Variants in BMS1 observed in about 807,000 individuals in gnomAD.
BMS1 encodes ribosome biogenesis protein BMS1 homolog.
Under a neutral mutation model 138.7 loss-of-function variants are expected in BMS1, and 53 were observed. That is an observed-to-expected ratio of 0.38 (90% confidence interval 0.31 to 0.48). BMS1 has a LOEUF of 0.48. Among genes scored for constraint, BMS1 ranks in the 20% least tolerant of loss-of-function variants. The pLI is 0.97. For synonymous variants in BMS1, 504 were observed against 539.9 expected, an observed-to-expected ratio of 0.93 and a Z score of 0.92; for missense variants, 1,360 against 1,565.5, an observed-to-expected ratio of 0.87 and a Z score of 2.22.
intron 13 of BMS1, among the ~76,000 whole-genome samples, chr10:42,806,859 C>T (rs535027684): frequency 3.5e-5 from 5 of 144,834 alleles, no homozygotes; most frequent in Non-Finnish European, 7.5e-5. Context: ...CGTGTAAGAA[C>T]AAATACAGAG....
rs575558237 is a variant in BMS1, at chr10:42,820,698, G to T, written c.2950+10G>T. On this transcript the variant is annotated intron_variant, in intron 17 of 22. Transcript: ENST00000374518. The stretch of plus-strand genomic sequence containing the variant: ...GGAGCAGCCTTTTGGGGTAAAATAT[G>T]ATTACAATAACTTGCCTGTTGCCAA... The T allele has an allele frequency of 1.7e-5, 28 of 1,609,842 alleles. No homozygotes were observed. The East Asian group carries it at 5.6e-4, about 32-fold the overall frequency.
In BMS1 at chr10:42,790,405, C is replaced by T. The variant is rs1444507941; in HGVS notation, c.530C>T (p.Pro177Leu). ...FLNICQVHGF[P>L]KIMGVLTHLD... ...AACATCTGTCAAGTACATGGCTTTC[C>T]TAAAATTATGGGAGTTCTCACCCAC... The change falls in exon 5 of 23, where the codon CCT becomes CTT. Residue 177 changes from proline to leucine, a missense_variant. By Grantham distance (98) the Pro-to-Leu change is moderately conservative. Around this residue, in one of 3 missense-constraint regions of BMS1, gnomAD observed 238 missense variants for 311.1 expected, o/e 0.77. Transcript: ENST00000374518. 4 of 1,613,820 alleles carry T rather than the reference C, an allele frequency of 2.5e-6. No individual in the cohort carries two copies. The highest frequency in any genetic ancestry group is 3.3e-5 in the Admixed American group (2 of 60,002).
intron 14 of BMS1, among the ~76,000 whole-genome samples, chr10:42,817,091 C>T (rs928235804): frequency 6.6e-6 from 1 of 152,156 alleles, no homozygotes; most frequent in Non-Finnish European, 1.5e-5. Flanking sequence ...TTTGTGTTCC[C>T]AGCCAGCTTA....
chr10:42,790,622 G>A (rs1841474400), intron 5 of BMS1, 111 bp downstream of exon 5: 1 of 1,184,826 alleles, frequency 8.4e-7, no homozygotes, highest in South Asian at 1.5e-5. Context: ...GCAAGGCAGA[G>A]GCGGTCGGAT....
In BMS1 at chr10:42,816,685, C is replaced by T. The variant is rs1260878847; in HGVS notation, c.2403+13C>T. 4.4e-6 allele frequency: 7 copies of T among 1,604,024 alleles called. No individual in the cohort carries two copies. The highest frequency in any genetic ancestry group is 2.3e-4 in the Middle Eastern group (1 of 4,374). On this transcript the variant is annotated intron_variant, in intron 14 of 22. Coordinates refer to ENST00000374518, the MANE Select transcript of BMS1 (RefSeq NM_014753.4). Reference sequence around the variant, plus strand: ...CCCCAATACTCAGGTATGACTTTGTCGTAGCTGGCTGTTCTTGGTCATTGT... The same window carrying T: ...CCCCAATACTCAGGTATGACTTTGTTGTAGCTGGCTGTTCTTGGTCATTGT...
At chr10:42,807,094 CA>C (rs1842034847) in intron 13 of BMS1, among the ~76,000 whole-genome samples, 1 of 152,028 alleles carries the variant, frequency 6.6e-6, no homozygotes, top group Non-Finnish European at 1.5e-5. Flanking sequence ...TCTTTTATCA[CA>C]TGTGTAGGTT....
intron 13 of BMS1, among the ~76,000 whole-genome samples, chr10:42,813,051 C>T (rs1179989450): frequency 2.0e-5 from 3 of 152,160 alleles, no homozygotes; most frequent in Admixed American, 6.6e-5. Flanking sequence ...CCCTCTCCAG[C>T]TCTGGTAAAT....
intron 19 of BMS1, 132 bp from the exon 20 acceptor site, chr10:42,822,986 C>G (rs1588756000): frequency 1.1e-6 from 1 of 933,900 alleles, no homozygotes; most frequent in Non-Finnish European, 1.5e-6. Flanking sequence ...GGGGCGAATA[C>G]ATTTTGTTTA....
intron 13 of BMS1, 132 bp from the exon 14 acceptor site, chr10:42,816,467 C>A: frequency 3.3e-6 from 2 of 613,216 alleles, no homozygotes; most frequent in Non-Finnish European, 5.5e-6. Context: ...AAAGTTTTGC[C>A]TGTGTGTGTA....
At chr10:42,810,331 C>A (rs1180352271) in intron 13 of BMS1, among the ~76,000 whole-genome samples, 1 of 152,162 alleles carries the variant, frequency 6.6e-6, no homozygotes, top group Non-Finnish European at 1.5e-5. Context: ...ACGAAAAGAT[C>A]ACCATGTGAA....
intron 2 of BMS1, 104 bp downstream of exon 2, chr10:42,784,674 A>C: frequency 2.3e-6 from 3 of 1,315,976 alleles, no homozygotes; most frequent in Non-Finnish European, 3.1e-6. Context: ...TCCAGCTCCA[A>C]AGGACATGGA....
chr10:42,804,915 G>A (rs192459073), intron 13 of BMS1, among the ~76,000 whole-genome samples: 301 of 151,902 alleles, frequency 2.0e-3, no homozygotes, highest in Admixed American at 5.7e-3. Context: ...ATGGGGTTTC[G>A]CCATGTTGGT....
intron 13 of BMS1, among the ~76,000 whole-genome samples, chr10:42,805,920 C>G (rs1436182735): frequency 6.6e-6 from 1 of 152,240 alleles, no homozygotes; most frequent in Admixed American, 6.5e-5. Context: ...ATGCCCCAGC[C>G]TCGTGAGTAG....
intron 13 of BMS1, among the ~76,000 whole-genome samples, chr10:42,813,573 A>G (rs1179355538): frequency 6.6e-6 from 1 of 152,076 alleles, no homozygotes; most frequent in East Asian, 1.9e-4. Flanking sequence ...AGGTGGTGGT[A>G]TAGTTTTTGT....
intron 21 of BMS1, among the ~76,000 whole-genome samples, chr10:42,828,779 G>A (rs561078639): frequency 1.3e-5 from 2 of 152,246 alleles, no homozygotes; most frequent in East Asian, 1.9e-4. Flanking sequence ...GGTTGTTCAA[G>A]GCATCAGTCT....
chr10:42,826,035 T>A (rs1311793351), intron 21 of BMS1, among the ~76,000 whole-genome samples: 1 of 152,260 alleles, frequency 6.6e-6, no homozygotes, highest in Non-Finnish European at 1.5e-5. Flanking sequence ...CATGTCGTTT[T>A]ATCTTTCATT....
At position 42,832,838 on chromosome 10, in the gene BMS1, G is replaced by A. The variant is rs1385156716; in HGVS notation, c.*1742G>A. 1 of 152,102 alleles carries A rather than the reference G, an allele frequency of 6.6e-6. No homozygotes were observed. The highest frequency in any genetic ancestry group is 1.5e-5 in the Non-Finnish European group (1 of 68,022). The allele number at this position is 152,102 out of a possible 1,614,324, so 9.4% of individuals were successfully genotyped here. A position where few individuals can be genotyped will look rare whatever the true frequency, so the allele number is the denominator to read the frequency against. The stretch of plus-strand genomic sequence containing the variant: ...CATCCATTATGCTGATAGGCCTGGG[G>A]ACTGACACATAGTAAGCCCATAACA... On this transcript the variant is annotated 3_prime_UTR_variant, in exon 23 of 23. Coordinates refer to ENST00000374518, the MANE Select transcript of BMS1 (RefSeq NM_014753.4).
intron 21 of BMS1, among the ~76,000 whole-genome samples, chr10:42,826,967 T>C (rs1262190296): frequency 2.6e-5 from 4 of 152,088 alleles, no homozygotes; most frequent in Non-Finnish European, 4.4e-5. Context: ...GTGGACATCG[T>C]TTGTTCCCAC....
At position 42,833,766 on chromosome 10, in the gene BMS1, G is replaced by C. The variant is rs541301535; in HGVS notation, c.*2670G>C. 45 of 152,322 alleles carry C rather than the reference G, an allele frequency of 3.0e-4. No individual in the cohort carries two copies. The highest frequency in any genetic ancestry group is 1.0e-3 in the African/African-American group (42 of 41,578). 9.4% of individuals were successfully genotyped at this position (152,322 alleles called of 1,614,324 possible). On this transcript the variant is annotated 3_prime_UTR_variant, in exon 23 of 23. Transcript: ENST00000374518. The stretch of plus-strand genomic sequence containing the variant: ...ATCAAAATAAGGACCAGACTGGAGA[G>C]TGTGTAAATTACTTTTCAATACTAA...
Sources: gnomAD v4.1 joint callset for allele counts (sites outside exome capture counted in the v4.1 genomes callset) on GRCh38, gnomAD v4.1.1 for gene constraint, gnomAD v4.1.1 regional missense constraint, MANE v1.5 for transcripts, NCBI Gene and HGNC (gene_info 2026-07-23, HGNC 2026-07-21) for gene names.